The following COL13A1 variants were observed in gnomAD, a reference collection of about 807,000 sequenced individuals.
COL13A1 encodes collagen alpha-1(XIII) chain.
In COL13A1, 89 loss-of-function variants were observed where a neutral mutation model predicts 130.9. The observed-to-expected ratio is 0.68, with a 90% CI of 0.57 to 0.81. COL13A1 has a LOEUF of 0.81. COL13A1 is among the 30% of genes least tolerant of loss of function. The pLI, the probability that COL13A1 is intolerant of heterozygous loss-of-function variation, is 0.00. For synonymous variants in COL13A1, 402 were observed against 341.6 expected, an observed-to-expected ratio of 1.18 and a Z score of -1.95; for missense variants, 879 against 934.6, an observed-to-expected ratio of 0.94 and a Z score of 0.78.
intron 19 of COL13A1, among the ~76,000 whole-genome samples, chr10:69,918,525 A>G (rs2064220337): frequency 1.3e-5 from 2 of 152,216 alleles, no homozygotes; most frequent in South Asian, 2.1e-4. Context: ...GTAAGTAGCA[A>G]TGGTTTCCTG....
intron 2 of COL13A1, among the ~76,000 whole-genome samples, chr10:69,850,529 C>T (rs1414933699): frequency 6.6e-6 from 1 of 151,104 alleles, no homozygotes; most frequent in Non-Finnish European, 1.5e-5. Flanking sequence ...CGGCCTCCTG[C>T]GTCTGGAGGA....
chr10:69,903,108 G>A (rs138605090), intron 15 of COL13A1, among the ~76,000 whole-genome samples: 16 of 152,298 alleles, frequency 1.1e-4, no homozygotes, highest in African/African-American at 1.7e-4. Flanking sequence ...TGCCTGCCCC[G>A]TTCCCAGCCC....
intron 1 of COL13A1, among the ~76,000 whole-genome samples, chr10:69,811,287 G>C (rs1010498682): frequency 6.6e-6 from 1 of 152,188 alleles, no homozygotes; most frequent in Non-Finnish European, 1.5e-5. Flanking sequence ...GCCCCTAAAG[G>C]CTGTTGTGGG....
At chr10:69,936,260 C>T (rs368302637) in intron 32 of COL13A1, among the ~76,000 whole-genome samples, 7 of 152,202 alleles carry the variant, frequency 4.6e-5, no homozygotes, top group African/African-American at 1.7e-4. Flanking sequence ...CATGGGGCCC[C>T]TGTGCATCAC....
At chr10:69,805,942 C>G (rs549608484) in intron 1 of COL13A1, among the ~76,000 whole-genome samples, 103 of 152,396 alleles carry the variant, frequency 6.8e-4, no homozygotes, top group African/African-American at 2.4e-3. Flanking sequence ...CACACACAGG[C>G]ATCTGGTGAG....
At chr10:69,908,720 C>G (rs2063051961) in intron 17 of COL13A1, among the ~76,000 whole-genome samples, 1 of 152,134 alleles carries the variant, frequency 6.6e-6, no homozygotes, top group South Asian at 2.1e-4. Flanking sequence ...GTAACCCAGG[C>G]TACATTGAAT....
chr10:69,905,640 T>C, intron 16 of COL13A1, 147 bp from the exon 17 acceptor site: 3 of 832,960 alleles, frequency 3.6e-6, no homozygotes, highest in Non-Finnish European at 6.1e-6. Flanking sequence ...GAGCTATTGC[T>C]CCTGGGAAGG....
chr10:69,932,430 C>A (rs561902348), intron 30 of COL13A1, 130 bp from the exon 31 acceptor site: 4 of 650,258 alleles, frequency 6.2e-6, no homozygotes, highest in South Asian at 3.4e-5. Flanking sequence ...ACCTCCACAT[C>A]CTCCATGGTG....
chr10:69,814,727 G>A (rs1475255544), intron 1 of COL13A1, among the ~76,000 whole-genome samples: 4 of 152,178 alleles, frequency 2.6e-5, no homozygotes, highest in Non-Finnish European at 5.9e-5. Flanking sequence ...CCCAAGTGTA[G>A]TCAAGCTGAT....
intron 7 of COL13A1, among the ~76,000 whole-genome samples, chr10:69,886,931 C>A (rs1427408106): frequency 6.6e-6 from 1 of 152,182 alleles, no homozygotes; most frequent in African/African-American, 2.4e-5. Flanking sequence ...TGCCCAACTG[C>A]TAGGAGAAGC....
At chr10:69,859,289 C>G (rs1372111350) in intron 2 of COL13A1, among the ~76,000 whole-genome samples, 1 of 152,130 alleles carries the variant, frequency 6.6e-6, no homozygotes, top group Non-Finnish European at 1.5e-5. Context: ...TACTTTTGTA[C>G]CAACATAATA....
At chr10:69,929,932 C>T (rs2065885079) in intron 28 of COL13A1, 111 bp from the exon 29 acceptor site, 5 of 904,162 alleles carry the variant, frequency 5.5e-6, no homozygotes, top group Non-Finnish European at 8.9e-6. Flanking sequence ...ATTAAATGAG[C>T]AAACTCTATG....
chr10:69,938,402 G>GC (rs752917474), intron 34 of COL13A1, among the ~76,000 whole-genome samples: 15 of 152,076 alleles, frequency 9.9e-5, no homozygotes, highest in Non-Finnish European at 1.6e-4. Flanking sequence ...CGGGCTCCAT[G>GC]CCCCCTAACC....
intron 17 of COL13A1, among the ~76,000 whole-genome samples, chr10:69,916,649 C>T (rs2063955803): frequency 6.6e-6 from 1 of 152,128 alleles, no homozygotes; most frequent in African/African-American, 2.4e-5. Flanking sequence ...TAGAGCGACC[C>T]CATGCTGTCC....
chr10:69,928,059 C>T lies in COL13A1; in HGVS notation c.1423-878C>T, dbSNP rs370505687. ...CCCAGCTACTCAGTAGGCTGAGGAACGAGAATCACTTGAACCCGGGAGGCG... is the reference window on the plus strand; with the variant it reads ...CCCAGCTACTCAGTAGGCTGAGGAATGAGAATCACTTGAACCCGGGAGGCG... On this transcript the variant is annotated intron_variant, in intron 27 of 40. Transcript: ENST00000645393. Among the ~76,000 whole-genome samples, 17 of 152,136 alleles carry T rather than the reference C, an allele frequency of 1.1e-4. 1 individual carries two copies. In the East Asian group the frequency reaches 2.3e-3, roughly 21 times the overall value.
intron 2 of COL13A1, among the ~76,000 whole-genome samples, 178 bp downstream of exon 2, chr10:69,822,616 C>T (rs1345875290): frequency 1.3e-5 from 2 of 152,208 alleles, no homozygotes; most frequent in Admixed American, 1.3e-4. Context: ...GCCTGCCCCG[C>T]ATCCATCAGT....
intron 38 of COL13A1, among the ~76,000 whole-genome samples, chr10:69,948,274 C>A (rs2068851859): frequency 1.3e-5 from 2 of 152,238 alleles, no homozygotes; most frequent in African/African-American, 4.8e-5. Context: ...TCTTTGCACA[C>A]TGATACCATG....
At chr10:69,815,475 G>T (rs1844231471) in intron 1 of COL13A1, among the ~76,000 whole-genome samples, 1 of 152,216 alleles carries the variant, frequency 6.6e-6, no homozygotes, top group African/African-American at 2.4e-5. Flanking sequence ...AGGCTTCTCT[G>T]CCGAGGGTAG....
intron 2 of COL13A1, among the ~76,000 whole-genome samples, chr10:69,822,936 C>T (rs1347396724): frequency 1.3e-5 from 2 of 152,240 alleles, no homozygotes; most frequent in East Asian, 1.9e-4. Context: ...CTCTAGGCTA[C>T]ATGCAACACA....
Sources: gnomAD v4.1 joint callset for allele counts (sites outside exome capture counted in the v4.1 genomes callset) on GRCh38, gnomAD v4.1.1 for gene constraint, MANE v1.5 for transcripts, NCBI Gene and HGNC (gene_info 2026-07-23, HGNC 2026-07-21) for gene names.